Variants in PIP4K2A observed in about 807,000 individuals in gnomAD.
PIP4K2A encodes the protein phosphatidylinositol 5-phosphate 4-kinase type-2 alpha.
Under a neutral mutation model 42.9 loss-of-function variants are expected in PIP4K2A, and 14 were observed. The ratio of observed to expected loss-of-function variants is 0.33; its 90% CI spans 0.22 to 0.51. PIP4K2A has a LOEUF of 0.51. Ranked by LOEUF, PIP4K2A falls within the 20% of genes least tolerant of loss-of-function variation. The probability of loss-of-function intolerance (pLI) is 0.97; values close to 1 mark genes in which losing one functional copy is unlikely to be tolerated. For missense variants in PIP4K2A, 434 were observed against 519.8 expected (o/e 0.83, Z 1.61); for synonymous variants, 192 against 192.2 (o/e 1.00, Z 0.01).
intron 1 of PIP4K2A, among the ~76,000 whole-genome samples, chr10:22,692,752 T>G (rs1001230907): frequency 7.2e-5 from 11 of 152,204 alleles, no homozygotes; most frequent in Non-Finnish European, 1.3e-4. Flanking sequence ...AGGTTCTCAT[T>G]TGACCCAATG....
At chr10:22,679,863 G>C (rs984907309) in intron 1 of PIP4K2A, among the ~76,000 whole-genome samples, 1 of 152,126 alleles carries the variant, frequency 6.6e-6, no homozygotes, top group Admixed American at 6.5e-5. Context: ...GTTGCCTAGG[G>C]CTGGGGGTAG....
intron 1 of PIP4K2A, among the ~76,000 whole-genome samples, chr10:22,644,624 C>G (rs1838844930): frequency 6.6e-6 from 1 of 152,166 alleles, no homozygotes; most frequent in South Asian, 2.1e-4. Context: ...CCAGATGGCA[C>G]CCACCACTCT....
intron 4 of PIP4K2A, among the ~76,000 whole-genome samples, chr10:22,586,142 T>C (rs1465287444): frequency 6.6e-6 from 1 of 152,246 alleles, no homozygotes; most frequent in Non-Finnish European, 1.5e-5. Flanking sequence ...AGGATATTTA[T>C]AGCGAAACAT....
At chr10:22,543,433 G>C (rs1445575321) in intron 7 of PIP4K2A, among the ~76,000 whole-genome samples, 2 of 152,226 alleles carry the variant, frequency 1.3e-5, no homozygotes, top group African/African-American at 4.8e-5. Flanking sequence ...TTTAAGCAAA[G>C]TGGGAGAAAC....
At chr10:22,713,424 T>C (rs1007825414) in intron 1 of PIP4K2A, among the ~76,000 whole-genome samples, 3 of 151,758 alleles carry the variant, frequency 2.0e-5, no homozygotes, top group African/African-American at 7.3e-5. Context: ...AGTCGGTGAC[T>C]TCTGCCTGAC....
In PIP4K2A at chr10:22,631,643, GGAA is replaced by G. The variant is rs368223072; in HGVS notation, c.145-21929_145-21927del. On this transcript the variant is annotated intron_variant, in intron 1 of 9. Coordinates refer to ENST00000376573, the MANE Select transcript of PIP4K2A (RefSeq NM_005028.5). The stretch of plus-strand genomic sequence containing the variant: ...AAGAATCTATGATTTCACGTTCTAT[GGAA>G]GAAGAGGAAACTCTTCCTTACAGTA... Among the ~76,000 whole-genome samples the G allele has an allele frequency of 5.3e-5, 8 of 152,194 alleles. No homozygotes were observed. The East Asian group carries it at 1.5e-3, about 29-fold the overall frequency.
chr10:22,670,106 T>G (rs1020652798), intron 1 of PIP4K2A, among the ~76,000 whole-genome samples: 1 of 152,196 alleles, frequency 6.6e-6, no homozygotes, highest in Non-Finnish European at 1.5e-5. Context: ...AGGCCAGGTG[T>G]TGTGGCTCAA....
At chr10:22,628,118 C>T (rs923229273) in intron 1 of PIP4K2A, among the ~76,000 whole-genome samples, 8 of 149,320 alleles carry the variant, frequency 5.4e-5, no homozygotes, top group Non-Finnish European at 1.2e-4. Context: ...CTCAGAAACC[C>T]AAAAGCTACA....
intron 6 of PIP4K2A, among the ~76,000 whole-genome samples, chr10:22,565,493 C>A (rs8181423): frequency 0.96 from 145,761 of 152,294 alleles, 69,795 homozygotes; most frequent in East Asian, 1. Context: ...TACCCTTGTG[C>A]TTTCCTATGC....
intron 1 of PIP4K2A, among the ~76,000 whole-genome samples, chr10:22,644,695 C>T (rs1433461223): frequency 6.6e-6 from 1 of 152,224 alleles, no homozygotes; most frequent in Non-Finnish European, 1.5e-5. Context: ...TCATTTTTAA[C>T]ATTTTCTCTC....
At chr10:22,677,527 C>T (rs746692155) in intron 1 of PIP4K2A, among the ~76,000 whole-genome samples, 1 of 152,158 alleles carries the variant, frequency 6.6e-6, no homozygotes, top group South Asian at 2.1e-4. Context: ...ACACGTGGCT[C>T]GTGGCTGCAT....
At chr10:22,681,997 A>ATT (rs200882164) in intron 1 of PIP4K2A, among the ~76,000 whole-genome samples, 169 of 146,558 alleles carry the variant, frequency 1.2e-3, no homozygotes, top group African/African-American at 3.9e-3. Context: ...TTAGAAAACC[A>ATT]TTTTTTTTTT....
chr10:22,626,367 T>C (rs753797678), intron 1 of PIP4K2A, among the ~76,000 whole-genome samples: 1 of 152,216 alleles, frequency 6.6e-6, no homozygotes, highest in Admixed American at 6.5e-5. Context: ...TTTCTAAAAA[T>C]GCATGTTGTT....
At position 22,664,168 on chromosome 10, in the gene PIP4K2A, C is replaced by CAT. The variant is rs565032217; in HGVS notation, c.144+50013_144+50014dup. On this transcript the variant is annotated intron_variant, in intron 1 of 9. Transcript: ENST00000376573. ...ATATATATACACATATATATATATA[C>CAT]ATATATATATATACATATATATACA... Among the ~76,000 whole-genome samples, 22 of 30,210 alleles carry CAT rather than the reference C, an allele frequency of 7.3e-4. 1 individual carries two copies. The highest frequency in any genetic ancestry group is 1.6e-3 in the South Asian group (2 of 1,220). The allele number at this position is 30,210 out of a possible 152,430, so 19.8% of individuals were successfully genotyped here. A position where few individuals can be genotyped will look rare whatever the true frequency, so the allele number is the denominator to read the frequency against.
chr10:22,577,212 G>C (rs1394856584), intron 4 of PIP4K2A, among the ~76,000 whole-genome samples: 1 of 152,108 alleles, frequency 6.6e-6, no homozygotes, highest in Non-Finnish European at 1.5e-5. Flanking sequence ...TTGTCCGTGT[G>C]CAAGTTATCC....
chr10:22,539,909 GAGGGA>G (rs1836054713), intron 9 of PIP4K2A, 57 bp downstream of exon 9: 83 of 113,668 alleles, frequency 7.3e-4, no homozygotes, highest in Admixed American at 1.1e-3. Context: ...GAGAGAGAGA[GAGGGA>G]GAGAGAGAGA....
intron 4 of PIP4K2A, among the ~76,000 whole-genome samples, chr10:22,574,437 A>AT (rs1176209320): frequency 2.9e-3 from 95 of 32,784 alleles, no homozygotes; most frequent in Admixed American, 8.1e-3. Context: ...TGAATTTTTC[A>AT]TTTTCTGTTT....
rs1216865693 is a variant in PIP4K2A at position 22,714,194 on chromosome 10, C to T, written c.133G>A (p.Val45Ile). Residue 45 changes from valine to isoleucine, a missense_variant, in exon 1 of 10, where the codon GTA becomes ATA. Transcript: ENST00000376573. The stretch of plus-strand genomic sequence containing the variant: ...AGCTGAGCCCTTACCGAGTGGTTTA[C>T]CCCCCACATGAGGACGCTGAGCAGC... The part of the protein sequence containing the change: ...DPLLSVLMWG[V>I]NHSINELSHV... 2.5e-6 allele frequency: 4 copies of T among 1,608,446 alleles called. No individual in the cohort carries two copies. In the East Asian group the frequency reaches 6.8e-5, roughly 27 times the overall value.
intron 4 of PIP4K2A, among the ~76,000 whole-genome samples, chr10:22,575,570 C>T (rs770328270): frequency 2.0e-5 from 3 of 152,166 alleles, no homozygotes; most frequent in Non-Finnish European, 4.4e-5. Flanking sequence ...GGAAAAAACA[C>T]CCATACAGAT....
Sources: allele counts gnomAD v4.1 joint callset (sites outside exome capture counted in the v4.1 genomes callset), GRCh38; gene constraint gnomAD v4.1.1; transcripts MANE v1.5; gene names NCBI Gene and HGNC (gene_info 2026-07-23, HGNC 2026-07-21).